The following HDAC11 variants were observed in gnomAD, a reference collection of about 807,000 sequenced individuals.
HDAC11 encodes histone deacetylase 11.
In HDAC11, 23 loss-of-function variants were observed where a neutral mutation model predicts 41.1. That is an observed-to-expected ratio of 0.56 (90% CI 0.40 to 0.79). HDAC11 has a LOEUF of 0.79. Among genes scored for constraint, HDAC11 ranks in the 30% least tolerant of loss-of-function variants. The probability of loss-of-function intolerance (pLI) is 0.00; values close to 1 mark genes in which losing one functional copy is unlikely to be tolerated. For missense variants in HDAC11, 402 were observed against 477.3 expected, an observed-to-expected ratio of 0.84 and a Z score of 1.47; for synonymous variants, 187 against 186.6, an observed-to-expected ratio of 1.00 and a Z score of -0.02.
intron 3 of HDAC11, among the ~76,000 whole-genome samples, chr3:13,486,571 G>GT (rs767002835): frequency 0.042 from 3,464 of 82,856 alleles, 84 homozygotes; most frequent in African/African-American, 0.086. Flanking sequence ...ATGTAGAGGT[G>GT]TTTTTTTTTT....
Position 13,480,847 on chromosome 3 carries a change from C to G in HDAC11, c.3-399C>G. The G allele has an allele frequency of 2.5e-6, 1 of 395,522 alleles. No homozygotes were observed. The allele number at this position is 395,522 out of a possible 1,614,324, so 24.5% of individuals were successfully genotyped here. On this transcript the variant is annotated intron_variant, in intron 1 of 9. Transcript: ENST00000295757. The surrounding 1 kb of genome is among the most constrained non-coding windows in gnomAD (Gnocchi z 4.6). ...AGTTGCATTCTCTGAGTCCTCACAA[C>G]AGCCACACATTTTGCAGCCGAAGCC...
In HDAC11 at chr3:13,502,810, G is replaced by A. The variant is rs2290197; in HGVS notation, c.553-74G>A. 118,279 of 1,143,920 alleles carry A rather than the reference G, an allele frequency of 0.1. 7,323 individuals carry two copies. The highest frequency in any genetic ancestry group is 0.19 in the Admixed American group (10,464 of 56,448). The allele number at this position is 1,143,920 out of a possible 1,614,324, so 70.9% of individuals were successfully genotyped here. A position where few individuals can be genotyped will look rare whatever the true frequency, so the allele number is the denominator to read the frequency against. On this transcript the variant is annotated intron_variant, in intron 7 of 9. Coordinates refer to ENST00000295757, the MANE Select transcript of HDAC11 (RefSeq NM_024827.4). This position sits in a 1 kb window ranked among gnomAD's most constrained non-coding sequence, Gnocchi z 4.1. ...CCTGGCAAATGGGGAGTTTCCTGAG[G>A]GGTGGGTGGGTGGCAGAGCCCCAGC...
chr3:13,493,339 C>A (rs1488313514), intron 3 of HDAC11, among the ~76,000 whole-genome samples: 2 of 152,030 alleles, frequency 1.3e-5, no homozygotes, highest in African/African-American at 4.8e-5. Flanking sequence ...CACCCAGGGA[C>A]CCGCCACTAG....
intron 3 of HDAC11, among the ~76,000 whole-genome samples, chr3:13,488,461 C>T (rs137869585): frequency 9.2e-5 from 14 of 152,204 alleles, no homozygotes; most frequent in African/African-American, 3.1e-4. Context: ...CACTCACCTG[C>T]ATTCTCTCTC....
chr3:13,495,185 C>A (rs1158381035), intron 3 of HDAC11, among the ~76,000 whole-genome samples: 1 of 152,106 alleles, frequency 6.6e-6, no homozygotes, highest in Admixed American at 6.5e-5. Context: ...TAGGTCTTTC[C>A]ACATCTCACC....
chr3:13,488,863 G>A (rs570851501), intron 3 of HDAC11, among the ~76,000 whole-genome samples: 9 of 152,018 alleles, frequency 5.9e-5, no homozygotes, highest in Non-Finnish European at 8.8e-5. Context: ...ATTTCCACCA[G>A]TAATGTACCA....
At chr3:13,484,399 G>C (rs79213407) in intron 3 of HDAC11, among the ~76,000 whole-genome samples, 36 of 152,242 alleles carry the variant, frequency 2.4e-4, no homozygotes, top group Non-Finnish European at 4.8e-4. Context: ...GGGAGGGCCG[G>C]TGGTAGAGTC....
chr3:13,492,397 A>C (rs547135894), intron 3 of HDAC11, among the ~76,000 whole-genome samples: 1 of 152,364 alleles, frequency 6.6e-6, no homozygotes, highest in East Asian at 1.9e-4. Context: ...TCTGCACAGC[A>C]GTGAGCAGAC....
chr3:13,483,505 G>GA lies in HDAC11; in HGVS notation c.194dup (p.Ala66GlyfsTer16), dbSNP rs1385427413. The GA allele has an allele frequency of 6.2e-7, 1 of 1,614,074 alleles. No individual in the cohort carries two copies. ...TGACAGCATGCTGGTGGAGGCGCGGGAGGCCTCGGAGGAGGACCTGCTGGT... is the reference window on the plus strand; with the variant it reads ...TGACAGCATGCTGGTGGAGGCGCGGGAAGGCCTCGGAGGAGGACCTGCTGGT... On this transcript the variant is annotated frameshift_variant, in exon 3 of 10. Coordinates refer to ENST00000295757, the MANE Select transcript of HDAC11 (RefSeq NM_024827.4). LOFTEE classifies it high-confidence loss of function.
chr3:13,500,411 C>G (rs1702304277), intron 5 of HDAC11, among the ~76,000 whole-genome samples: 1 of 152,212 alleles, frequency 6.6e-6, no homozygotes, highest in South Asian at 2.1e-4. Flanking sequence ...CACATGGAGC[C>G]AGGCCCAGCT....
intron 3 of HDAC11, among the ~76,000 whole-genome samples, chr3:13,486,577 T>G (rs959165491): frequency 6.1e-5 from 8 of 130,804 alleles, no homozygotes; most frequent in African/African-American, 1.4e-4. Context: ...AGGTGTTTTT[T>G]TTTTTTTTTT....
At position 13,481,519 on chromosome 3, in the gene HDAC11, ACCCATGCTTCCG is replaced by A. The variant is rs1281233693; in HGVS notation, c.151+130_151+141del. ...AGTTTCAGCCCTCGGATGGCCTTCC[ACCCATGCTTCCG>A]CCCAAAATGATTTTTCCAACACAGA... is the stretch of plus-strand genomic sequence containing the variant. On this transcript the variant is annotated intron_variant, in intron 2 of 9. Transcript: ENST00000295757. The A allele has an allele frequency of 6.5e-6, 7 of 1,070,480 alleles. No individual in the cohort carries two copies. The African/African-American group carries it at 1.1e-4, about 17-fold the overall frequency. 66.3% of individuals were successfully genotyped at this position (1,070,480 alleles called of 1,614,324 possible). A position where few individuals can be genotyped will look rare whatever the true frequency, so the allele number is the denominator to read the frequency against.
At position 13,495,257 on chromosome 3, in the gene HDAC11, A is replaced by G. The variant is rs571179548; in HGVS notation, c.253-1479A>G. 3.6e-4 allele frequency among the ~76,000 whole-genome samples: 55 copies of G among 152,134 alleles called. No individual in the cohort carries two copies. In the South Asian group the frequency reaches 9.7e-3, roughly 27 times the overall value. ...CTCTCTCTGGGCCTTGCCCTTCAGCATGGGAAGCCTGCAGTCCCAACCCAG... is the reference window on the plus strand; with the variant it reads ...CTCTCTCTGGGCCTTGCCCTTCAGCGTGGGAAGCCTGCAGTCCCAACCCAG... On this transcript the variant is annotated intron_variant, in intron 3 of 9. Coordinates refer to ENST00000295757, the MANE Select transcript of HDAC11 (RefSeq NM_024827.4).
rs1167364050 is a variant in HDAC11, at chr3:13,480,775, T to C, written c.2+426T>C. The C allele has an allele frequency of 1.1e-5, 5 of 449,782 alleles. No individual in the cohort carries two copies. The highest frequency in any genetic ancestry group is 2.6e-5 in the Admixed American group (1 of 39,142). The allele number at this position is 449,782 out of a possible 1,614,324, so 27.9% of individuals were successfully genotyped here. A position where few individuals can be genotyped will look rare whatever the true frequency, so the allele number is the denominator to read the frequency against. ...TCCCCGCCCCCCGCCCTGGCTCAGG[T>C]TGGGTCCCGACTTGGGTTTCTGAGT... On this transcript the variant is annotated intron_variant, in intron 1 of 9. Coordinates refer to ENST00000295757, the MANE Select transcript of HDAC11 (RefSeq NM_024827.4). This position sits in a 1 kb window ranked among gnomAD's most constrained non-coding sequence, Gnocchi z 4.6.
intron 3 of HDAC11, among the ~76,000 whole-genome samples, chr3:13,492,762 G>A (rs1042821934): frequency 1.3e-5 from 2 of 152,016 alleles, no homozygotes; most frequent in South Asian, 4.1e-4. Flanking sequence ...CAGGCTGGTC[G>A]TGAACTCTGG....
In HDAC11 at chr3:13,480,368, G is replaced by C; in HGVS notation, c.2+19G>C. The C allele has an allele frequency of 8.3e-6, 10 of 1,204,648 alleles. No homozygotes were observed. Among genetic ancestry groups the C allele is most frequent in the Non-Finnish European group, 1.0e-5 (10 of 968,696 alleles). 74.6% of individuals were successfully genotyped at this position (1,204,648 alleles called of 1,614,324 possible). On this transcript the variant is annotated intron_variant, in intron 1 of 9. Coordinates refer to ENST00000295757, the MANE Select transcript of HDAC11 (RefSeq NM_024827.4). This position sits in a 1 kb window ranked among gnomAD's most constrained non-coding sequence, Gnocchi z 4.6. ...CCGGGATGTGAGTGCCGCGGGGCGAGGGCGGGGGTGGGCTCCCAGGGGTCC... is the reference window on the plus strand; with the variant it reads ...CCGGGATGTGAGTGCCGCGGGGCGACGGCGGGGGTGGGCTCCCAGGGGTCC...
chr3:13,500,691 A>G (rs779182556), intron 5 of HDAC11, 22 bp from the exon 6 acceptor site: 7 of 1,568,332 alleles, frequency 4.5e-6, no homozygotes, highest in Non-Finnish European at 6.1e-6. Context: ...TCTGAGCAGC[A>G]CCGCTCTCTG....
chr3:13,493,351 C>T (rs1701950873), intron 3 of HDAC11, among the ~76,000 whole-genome samples: 1 of 152,210 alleles, frequency 6.6e-6, no homozygotes, highest in South Asian at 2.1e-4. Context: ...CGCCACTAGT[C>T]CGCCCCACCC....
chr3:13,496,749 T>C lies in HDAC11; in HGVS notation c.266T>C (p.Val89Ala), dbSNP rs747453481. The C allele has an allele frequency of 6.2e-7, 1 of 1,605,312 alleles. No homozygotes were observed. Among genetic ancestry groups the C allele is most frequent in the Non-Finnish European group, 8.5e-7 (1 of 1,175,742 alleles). ...YLNELKWSFA[V>A]ATITEIPPVI... Reference sequence around the variant, plus strand: ...CTTTTTCCGCAGTGGTCCTTTGCTGTTGCTACCATCACAGAAATCCCCCCC... The same window carrying C: ...CTTTTTCCGCAGTGGTCCTTTGCTGCTGCTACCATCACAGAAATCCCCCCC... The change falls in exon 4 of 10, where the codon GTT becomes GCT. Residue 89 changes from valine (V) to alanine (A), a missense_variant. Coordinates refer to ENST00000295757, the MANE Select transcript of HDAC11 (RefSeq NM_024827.4).
Sources: allele counts gnomAD v4.1 joint callset (sites outside exome capture counted in the v4.1 genomes callset), GRCh38; gene constraint gnomAD v4.1.1; non-coding constraint Gnocchi (gnomAD v3.1); transcripts MANE v1.5; gene names NCBI Gene and HGNC (gene_info 2026-07-23, HGNC 2026-07-21).